Variants in PITPNC1 observed in about 807,000 individuals in gnomAD.
PITPNC1 encodes cytoplasmic phosphatidylinositol transfer protein 1.
A neutral mutation model predicts 44.7 loss-of-function variants in PITPNC1; 18 were observed. The ratio of observed to expected loss-of-function variants is 0.40; its 90% CI spans 0.28 to 0.60. The LOEUF is 0.60. Ranked by LOEUF, PITPNC1 falls within the 20% of genes least tolerant of loss-of-function variation. The pLI is 0.39. For missense variants in PITPNC1, 290 were observed against 418.4 expected, an observed-to-expected ratio of 0.69 and a Z score of 2.68; for synonymous variants, 141 against 149.6, an observed-to-expected ratio of 0.94 and a Z score of 0.42.
chr17:67,410,811 T>A (rs1425307348), intron 1 of PITPNC1, among the ~76,000 whole-genome samples: 1 of 151,464 alleles, frequency 6.6e-6, no homozygotes, highest in Non-Finnish European at 1.5e-5. Flanking sequence ...TGGGCTGCGC[T>A]GGGTGGCTCA....
chr17:67,570,709 C>T (rs1382268599), intron 4 of PITPNC1, among the ~76,000 whole-genome samples: 3 of 152,102 alleles, frequency 2.0e-5, no homozygotes, highest in African/African-American at 7.2e-5. Flanking sequence ...TGAATTTGCC[C>T]CAAGTCACAC....
intron 1 of PITPNC1, among the ~76,000 whole-genome samples, chr17:67,515,563 C>T (rs1271418383): frequency 6.6e-6 from 1 of 152,154 alleles, no homozygotes; most frequent in Non-Finnish European, 1.5e-5. Context: ...CGATTCCTGC[C>T]TCCCCAAATG....
chr17:67,595,528 T>C (rs1327240054), intron 5 of PITPNC1, among the ~76,000 whole-genome samples: 1 of 151,918 alleles, frequency 6.6e-6, no homozygotes, highest in Admixed American at 6.6e-5. Flanking sequence ...TGATTTCCAA[T>C]GGACATGATT....
chr17:67,425,022 C>T (rs1273746442), intron 1 of PITPNC1, among the ~76,000 whole-genome samples: 1 of 151,944 alleles, frequency 6.6e-6, no homozygotes, highest in Non-Finnish European at 1.5e-5. Context: ...TCTCCCCACC[C>T]TTAAGAATGT....
chr17:67,638,458 A>G (rs1382028415), intron 6 of PITPNC1: 1 of 152,260 alleles, frequency 6.6e-6, no homozygotes, highest in South Asian at 2.1e-4. Context: ...AATGGCATCT[A>G]TACTGGCCTC....
rs2040134148 is a variant in PITPNC1 at position 67,508,333 on chromosome 17, T to A, written c.49-24469T>A. ...CTGGTTGCCCAGTTTTACGGTTATT[T>A]CTTAATGATGTGCTAAACAAGGGGT... On this transcript the variant is annotated intron_variant, in intron 1 of 8. Transcript: ENST00000581322. This position sits in a 1 kb window ranked among gnomAD's most constrained non-coding sequence, Gnocchi z 4.2. Among the ~76,000 whole-genome samples the A allele has an allele frequency of 6.6e-6, 1 of 152,244 alleles. No homozygotes were observed. Among genetic ancestry groups the A allele is most frequent in the African/African-American group, 2.4e-5 (1 of 41,462 alleles).
chr17:67,578,842 C>T (rs896082090), intron 5 of PITPNC1, among the ~76,000 whole-genome samples: 4 of 152,098 alleles, frequency 2.6e-5, no homozygotes, highest in African/African-American at 9.7e-5. Flanking sequence ...ATTAGCTGGG[C>T]GTGGTGGTGC....
chr17:67,452,339 A>G (rs2143952057), intron 1 of PITPNC1, among the ~76,000 whole-genome samples: 1 of 151,816 alleles, frequency 6.6e-6, no homozygotes, highest in Admixed American at 6.6e-5. Context: ...TACTGCTAAT[A>G]GCATTCCATT....
intron 1 of PITPNC1, among the ~76,000 whole-genome samples, chr17:67,402,992 T>G (rs1344968374): frequency 1.3e-5 from 2 of 152,132 alleles, no homozygotes; most frequent in Admixed American, 1.3e-4. Context: ...TTCTTGCTTC[T>G]GTTATATCTG....
chr17:67,658,611 G>A (rs550291614), intron 6 of PITPNC1, among the ~76,000 whole-genome samples: 12 of 152,216 alleles, frequency 7.9e-5, no homozygotes, highest in East Asian at 3.9e-4. Flanking sequence ...ACAAGAACTC[G>A]GACCTAGCTG....
At chr17:67,660,270 T>A (rs1218359596) in intron 6 of PITPNC1, among the ~76,000 whole-genome samples, 1 of 152,140 alleles carries the variant, frequency 6.6e-6, no homozygotes. Flanking sequence ...TGGCATGATA[T>A]GGTATAGGAA....
chr17:67,586,027 AGCAAAG>A (rs2041311364), intron 5 of PITPNC1, among the ~76,000 whole-genome samples: 1 of 152,164 alleles, frequency 6.6e-6, no homozygotes, highest in East Asian at 1.9e-4. Flanking sequence ...TAATGCAGGG[AGCAAAG>A]GCCCTGGACC....
At chr17:67,514,188 G>GT (rs1265988191) in intron 1 of PITPNC1, among the ~76,000 whole-genome samples, 2 of 151,822 alleles carry the variant, frequency 1.3e-5, no homozygotes, top group Non-Finnish European at 2.9e-5. Flanking sequence ...GAATTCACGG[G>GT]TTTTTTGTTT....
intron 5 of PITPNC1, among the ~76,000 whole-genome samples, chr17:67,585,458 C>T (rs1269877485): frequency 5.3e-5 from 8 of 152,096 alleles, no homozygotes; most frequent in South Asian, 2.1e-4. Flanking sequence ...TAGAGTGGGT[C>T]CTAATCCAGT....
intron 5 of PITPNC1, among the ~76,000 whole-genome samples, chr17:67,621,604 C>T (rs2041831140): frequency 6.6e-6 from 1 of 152,134 alleles, no homozygotes; most frequent in Admixed American, 6.6e-5. Flanking sequence ...AAAATCATAG[C>T]CCCTTTGAGA....
chr17:67,409,233 C>T (rs570318748), intron 1 of PITPNC1, among the ~76,000 whole-genome samples: 16 of 151,030 alleles, frequency 1.1e-4, no homozygotes, highest in Admixed American at 8.6e-4. Context: ...TACAGGCGCC[C>T]GCCACCGCGC....
intron 1 of PITPNC1, among the ~76,000 whole-genome samples, chr17:67,467,054 A>ATTTTTTTTTTTTTTTTTTTT (rs10623552): frequency 1.0e-5 from 1 of 95,342 alleles, no homozygotes; most frequent in Non-Finnish European, 2.0e-5. Flanking sequence ...CAGTTAGGAG[A>ATTTTTTTTTTTTTTTTTTTT]TTTTTTTTTT....
At position 67,692,946 on chromosome 17, in the gene PITPNC1, T is replaced by A. The variant is rs1436335760; in HGVS notation, c.*58T>A. On this transcript the variant is annotated 3_prime_UTR_variant, in exon 9 of 9. Coordinates refer to ENST00000581322, the MANE Select transcript of PITPNC1 (RefSeq NM_012417.4). ...TTCATTTGTTGTTGTTGTTTTTTTT[T>A]AAGAATCTTCTGATAGAGAAAAAGA... 7 of 1,153,296 alleles carry A rather than the reference T, an allele frequency of 6.1e-6. No individual in the cohort carries two copies. Among genetic ancestry groups the A allele is most frequent in the African/African-American group, 1.5e-5 (1 of 64,564 alleles). The allele number at this position is 1,153,296 out of a possible 1,614,324, so 71.4% of individuals were successfully genotyped here.
intron 5 of PITPNC1, among the ~76,000 whole-genome samples, chr17:67,587,495 A>AAAG (rs922237097): frequency 2.1e-5 from 3 of 146,324 alleles, no homozygotes; most frequent in African/African-American, 2.8e-5. Context: ...CTCTGTCTCA[A>AAAG]AAGAAGAAGA....
Sources: allele counts gnomAD v4.1 joint callset (sites outside exome capture counted in the v4.1 genomes callset), GRCh38; gene constraint gnomAD v4.1.1; non-coding constraint Gnocchi (gnomAD v3.1); transcripts MANE v1.5; gene names NCBI Gene and HGNC (gene_info 2026-07-23, HGNC 2026-07-21).